ERCC6L2: variants seen among roughly 807,000 people sequenced by gnomAD.
ERCC6L2 encodes the protein ERCC excision repair 6 like 2.
A neutral mutation model predicts 132.0 loss-of-function variants in ERCC6L2; 77 were observed. That is an observed-to-expected ratio of 0.58 (90% confidence interval 0.49 to 0.71). The LOEUF is 0.71. Ranked by LOEUF, ERCC6L2 falls within the 30% of genes least tolerant of loss-of-function variation. ERCC6L2 has a pLI of 0.00. For missense variants in ERCC6L2, 1,542 were observed against 1,837.6 expected (o/e 0.84, Z 2.94); for synonymous variants, 583 against 632.4 (o/e 0.92, Z 1.17).
chr9:96,022,184 C>T (rs1834303648), downstream of ERCC6L2, among the ~76,000 whole-genome samples: 1 of 152,254 alleles, frequency 6.6e-6, no homozygotes, highest in African/African-American at 2.4e-5. Flanking sequence ...CAACTGGATG[C>T]CTGCAGACCT....
chr9:95,911,082 A>G (rs1345959100), intron 4 of ERCC6L2, among the ~76,000 whole-genome samples: 2 of 152,108 alleles, frequency 1.3e-5, no homozygotes, highest in Admixed American at 1.3e-4. Flanking sequence ...TTTTGTAGAG[A>G]CAAAGTCTCC....
intron 9 of ERCC6L2, among the ~76,000 whole-genome samples, chr9:95,923,661 T>C (rs559284712): frequency 4.9e-4 from 74 of 152,200 alleles, no homozygotes; most frequent in Non-Finnish European, 9.1e-4. Context: ...GCGTGTGCTG[T>C]TACCACATAG....
At chr9:95,902,904 C>T (rs1469014096) in intron 3 of ERCC6L2, among the ~76,000 whole-genome samples, 1 of 151,914 alleles carries the variant, frequency 6.6e-6, no homozygotes, top group African/African-American at 2.4e-5. Flanking sequence ...ATTTTTTGTT[C>T]ATTATATATT....
chr9:95,911,984 G>GA (rs1829361531), intron 4 of ERCC6L2, among the ~76,000 whole-genome samples: 1 of 151,954 alleles, frequency 6.6e-6, no homozygotes, highest in African/African-American at 2.4e-5. Context: ...TCTTTTTAAG[G>GA]AAAATTAGGA....
chr9:95,972,611 G>T lies in ERCC6L2; in HGVS notation c.2860G>T (p.Gly954Ter). Residue 954 changes from glycine to a stop codon, truncating the protein, a stop_gained, in exon 16 of 19, where the codon GGA (glycine) becomes TGA (stop). Coordinates refer to ENST00000653738, the MANE Select transcript of ERCC6L2 (RefSeq NM_020207.7). LOFTEE classifies it high-confidence loss of function. ...NSRNTDDKRN[G>*]IISKKLSPEN... is the part of the protein sequence containing the mutation. ...TCGAAACACTGATGACAAAAGAAAT[G>T]GAATAATTTCAAAAAAGTTAAGTCC... The T allele has an allele frequency of 7.8e-7, 1 of 1,289,628 alleles. No homozygotes were observed. Among genetic ancestry groups the T allele is most frequent in the Non-Finnish European group, 1.0e-6 (1 of 988,498 alleles). The allele number at this position is 1,289,628 out of a possible 1,614,324, so 79.9% of individuals were successfully genotyped here.
intron 13 of ERCC6L2, among the ~76,000 whole-genome samples, chr9:95,966,223 G>A (rs1179579443): frequency 3.9e-5 from 6 of 152,156 alleles, no homozygotes; most frequent in Non-Finnish European, 7.3e-5. Flanking sequence ...AGTTGCTATT[G>A]TAATAAGAGT....
At chr9:95,879,626 G>T (rs1827484301) in intron 1 of ERCC6L2, among the ~76,000 whole-genome samples, 1 of 152,188 alleles carries the variant, frequency 6.6e-6, no homozygotes, top group South Asian at 2.1e-4. Flanking sequence ...TGGGTCCAGA[G>T]AGTAGAGTGG....
intron 16 of ERCC6L2, among the ~76,000 whole-genome samples, chr9:95,976,501 A>C (rs981701997): frequency 6.6e-6 from 1 of 152,086 alleles, no homozygotes; most frequent in Non-Finnish European, 1.5e-5. Context: ...ACCTGTTGGC[A>C]GTTCTGGGGT....
At chr9:95,878,232 T>C (rs1160847033) in intron 1 of ERCC6L2, among the ~76,000 whole-genome samples, 2 of 152,202 alleles carry the variant, frequency 1.3e-5, no homozygotes, top group African/African-American at 4.8e-5. Context: ...GTCTGGTTGC[T>C]TTTGCATTAC....
downstream of ERCC6L2, chr9:96,020,778 G>T (rs755829936): frequency 1.3e-4 from 58 of 456,640 alleles, no homozygotes; most frequent in Non-Finnish European, 2.4e-4. Context: ...GGGAGTGGAC[G>T]GGCCTAAGAG....
At chr9:95,915,618 T>G in intron 4 of ERCC6L2, 50 bp from the exon 5 acceptor site, 1 of 1,542,210 alleles carries the variant, frequency 6.5e-7, no homozygotes, top group Non-Finnish European at 8.7e-7. Context: ...TTGTAAGGAC[T>G]AAGAAAGGAA....
chr9:96,028,959 A>T (rs1032319859), intron 19 of ERCC6L2, among the ~76,000 whole-genome samples: 4 of 152,214 alleles, frequency 2.6e-5, no homozygotes, highest in Non-Finnish European at 4.4e-5. Context: ...ACACAATTTG[A>T]ATTCATTCAT....
At chr9:96,026,916 C>A (rs1004903335) in intron 19 of ERCC6L2, among the ~76,000 whole-genome samples, 1 of 119,188 alleles carries the variant, frequency 8.4e-6, no homozygotes, top group Admixed American at 8.4e-5. Flanking sequence ...ACCAAACACA[C>A]CACACGCACA....
In ERCC6L2 at chr9:96,015,273, G is replaced by A. The variant is rs1355513519; in HGVS notation, c.*2070G>A. Among the ~76,000 whole-genome samples the A allele has an allele frequency of 1.3e-5, 2 of 149,048 alleles. No homozygotes were observed. Among genetic ancestry groups the A allele is most frequent in the East Asian group, 2.0e-4 (1 of 5,008 alleles). On this transcript the variant is annotated 3_prime_UTR_variant, in exon 19 of 19. Transcript: ENST00000653738. ...TCGATCTTGGCTCACTGCAGCCTCC[G>A]CCCCCCGAGTCAAGCAATTCTCCTG...
intron 2 of ERCC6L2, among the ~76,000 whole-genome samples, chr9:95,887,715 G>A (rs573454994): frequency 1.3e-5 from 2 of 152,028 alleles, no homozygotes; most frequent in Non-Finnish European, 2.9e-5. Flanking sequence ...ATAATTAAAG[G>A]TTTCTTAGGT....
chr9:96,030,570 C>T (rs952201201), intron 19 of ERCC6L2, among the ~76,000 whole-genome samples: 2 of 151,948 alleles, frequency 1.3e-5, no homozygotes, highest in South Asian at 2.1e-4. Context: ...GGCGTGGTGG[C>T]GGGCACCTGT....
At chr9:95,928,205 A>G (rs1397198459) in intron 10 of ERCC6L2, 55 bp downstream of exon 10, 4 of 1,264,098 alleles carry the variant, frequency 3.2e-6, no homozygotes, top group Non-Finnish European at 4.6e-6. Context: ...TTGAGGCATA[A>G]AGAATAAAGC....
At chr9:96,022,462 C>T (rs935343867), downstream of ERCC6L2, among the ~76,000 whole-genome samples, 1 of 152,130 alleles carries the variant, frequency 6.6e-6, no homozygotes, top group African/African-American at 2.4e-5. Context: ...GGCCGGTATT[C>T]GTATTGTTTT....
At chr9:95,929,739 C>T (rs1554746754) in intron 11 of ERCC6L2, among the ~76,000 whole-genome samples, 1 of 152,142 alleles carries the variant, frequency 6.6e-6, no homozygotes, top group Non-Finnish European at 1.5e-5. Flanking sequence ...TAATTTTTTT[C>T]ATGCGTCCTT....
Sources: gnomAD v4.1 joint callset for allele counts (sites outside exome capture counted in the v4.1 genomes callset) on GRCh38, gnomAD v4.1.1 for gene constraint, MANE v1.5 for transcripts, NCBI Gene and HGNC (gene_info 2026-07-23, HGNC 2026-07-21) for gene names.